MGST1: variants seen among roughly 807,000 people sequenced by gnomAD.
MGST1 encodes the protein microsomal glutathione S-transferase 1.
A neutral mutation model predicts 8.9 loss-of-function variants in MGST1; 5 were observed. The observed-to-expected ratio is 0.56, with a 90% confidence interval of 0.29 to 1.19. The LOEUF (loss-of-function observed/expected upper bound fraction) is 1.19, where lower values mean the gene tolerates loss of function less well. MGST1 is among the 50% of genes most tolerant of loss of function. The pLI, the probability that MGST1 is intolerant of heterozygous loss-of-function variation, is 0.08. For synonymous variants in MGST1, 54 were observed against 67.8 expected, an observed-to-expected ratio of 0.80 and a Z score of 1.00; for missense variants, 182 against 187.4, an observed-to-expected ratio of 0.97 and a Z score of 0.17.
chr12:16,575,127 G>A (rs999181903), intron 4 of MGST1, among the ~76,000 whole-genome samples: 1 of 152,150 alleles, frequency 6.6e-6, no homozygotes, highest in Non-Finnish European at 1.5e-5. Flanking sequence ...TGACTTCCAA[G>A]TTATAATCTA....
At chr12:16,498,115 G>A (rs1941481676) in intron 4 of MGST1, among the ~76,000 whole-genome samples, 2 of 152,098 alleles carry the variant, frequency 1.3e-5, no homozygotes, top group South Asian at 4.1e-4. Flanking sequence ...GGATTCCAAT[G>A]TACTTTCAAA....
chr12:16,433,386 T>C (rs566268031), intron 1 of MGST1, among the ~76,000 whole-genome samples: 1 of 152,160 alleles, frequency 6.6e-6, no homozygotes, highest in Non-Finnish European at 1.5e-5. Flanking sequence ...TCCAATCAAG[T>C]TGACACTCAA....
At chr12:16,561,419 A>G (rs531922629) in intron 4 of MGST1, among the ~76,000 whole-genome samples, 1 of 152,282 alleles carries the variant, frequency 6.6e-6, no homozygotes, top group South Asian at 2.1e-4. Context: ...AGCAAACTAG[A>G]TGAAAAACAC....
intron 4 of MGST1, among the ~76,000 whole-genome samples, chr12:16,521,082 A>G (rs892281781): frequency 6.6e-6 from 1 of 152,112 alleles, no homozygotes; most frequent in African/African-American, 2.4e-5. Context: ...ACAGCACGCA[A>G]TTGATTACCG....
rs555098082 is a variant in MGST1, at chr12:16,518,357, A to C, written n.483-71171A>C. Among the ~76,000 whole-genome samples the C allele has an allele frequency of 3.3e-5, 5 of 152,306 alleles. No individual in the cohort carries two copies. In the East Asian group the frequency reaches 9.6e-4, roughly 29 times the overall value. ...TATTCCTGTTCAGCATTCAGGCCTT[A>C]ATTAAAAATAATGACAGAAGGCTTC... is the stretch of plus-strand genomic sequence containing the variant. On this transcript the variant is annotated intron_variant and non_coding_transcript_variant, in intron 4 of 4. Coordinates refer to the MGST1 transcript ENST00000538857.
chr12:16,419,326 T>G (rs1591722370), intron 1 of MGST1, among the ~76,000 whole-genome samples: 2 of 152,284 alleles, frequency 1.3e-5, no homozygotes, highest in African/African-American at 4.8e-5. Context: ...GTCTGGCATA[T>G]TCTCTTGTCT....
At chr12:16,456,925 A>T (rs1482678087) in intron 4 of MGST1, among the ~76,000 whole-genome samples, 1 of 151,888 alleles carries the variant, frequency 6.6e-6, no homozygotes, top group Non-Finnish European at 1.5e-5. Flanking sequence ...ACCTGGACTA[A>T]TGCAGAGTCA....
intron 4 of MGST1, among the ~76,000 whole-genome samples, chr12:16,538,023 A>G (rs1941765760): frequency 6.6e-6 from 1 of 152,140 alleles, no homozygotes; most frequent in South Asian, 2.1e-4. Flanking sequence ...CTGGCTGCAA[A>G]TTTTCCAAAC....
At chr12:16,554,786 A>G (rs564641155) in intron 4 of MGST1, among the ~76,000 whole-genome samples, 1 of 152,284 alleles carries the variant, frequency 6.6e-6, no homozygotes, top group South Asian at 2.1e-4. Context: ...CCTCCCCAGT[A>G]GCTCTGACTA....
chr12:16,550,155 A>G (rs1941933875), intron 4 of MGST1: 1 of 152,092 alleles, frequency 6.6e-6, no homozygotes, highest in African/African-American at 2.4e-5. Flanking sequence ...AAATACCATC[A>G]TAGCTTCAAT....
At chr12:16,446,557 G>T (rs191559034) in intron 4 of MGST1, among the ~76,000 whole-genome samples, 1 of 151,988 alleles carries the variant, frequency 6.6e-6, no homozygotes, top group East Asian at 1.9e-4. Context: ...ACAACTCCCA[G>T]AAAGTTATGC....
chr12:16,385,154 G>T (rs1385828992), intron 1 of MGST1, among the ~76,000 whole-genome samples: 1 of 152,190 alleles, frequency 6.6e-6, no homozygotes, highest in Non-Finnish European at 1.5e-5. Context: ...AGCCAGGGAA[G>T]AAATATAATT....
rs181624789 is a variant in MGST1, at chr12:16,473,158, T to C, written n.482+89554T>C. On this transcript the variant is annotated intron_variant and non_coding_transcript_variant, in intron 4 of 4. Transcript: ENST00000538857. Reference sequence around the variant, plus strand: ...AGGTTAAGATATCCCTCTATCTCCATAGTTCTCAATGGAAGCAATTTTTGG... The same window carrying C: ...AGGTTAAGATATCCCTCTATCTCCACAGTTCTCAATGGAAGCAATTTTTGG... Among the ~76,000 whole-genome samples the C allele has an allele frequency of 2.1e-3, 318 of 152,312 alleles. 1 individual carries two copies. Among genetic ancestry groups the C allele is most frequent in the African/African-American group, 7.4e-3 (309 of 41,566 alleles).
intron 1 of MGST1, among the ~76,000 whole-genome samples, chr12:16,424,526 C>T (rs758889903): frequency 5.8e-4 from 88 of 152,264 alleles, no homozygotes; most frequent in Non-Finnish European, 9.9e-4. Flanking sequence ...ATTATTTCTT[C>T]TTGTAAGGCC....
At chr12:16,419,626 C>G (rs1940817344) in intron 1 of MGST1, among the ~76,000 whole-genome samples, 1 of 152,118 alleles carries the variant, frequency 6.6e-6, no homozygotes. Context: ...GAGACCAAGT[C>G]AAGGCAAAAC....
chr12:16,384,666 C>T lies in MGST1; in HGVS notation n.778+1062C>T, dbSNP rs1172023905. Among the ~76,000 whole-genome samples, 3 of 152,324 alleles carry T rather than the reference C, an allele frequency of 2.0e-5. No homozygotes were observed. In the East Asian group the frequency reaches 5.8e-4, roughly 29 times the overall value. ...TTTGGTATGAATTGCTCTAGAAAAC[C>T]AATATATCTCACTTATTATACCAAA... On this transcript the variant is annotated intron_variant and non_coding_transcript_variant, in intron 1 of 1. Coordinates refer to the MGST1 transcript ENST00000359720.
rs560128243 is a variant in MGST1 at position 16,514,937 on chromosome 12, T to C, written n.483-74591T>C. The stretch of plus-strand genomic sequence containing the variant: ...TCCAACTTTTCTCAAAGAGTTTACA[T>C]GTGCAAGAAAGTCATCACACAAGGA... On this transcript the variant is annotated intron_variant and non_coding_transcript_variant, in intron 4 of 4. Transcript: ENST00000538857. Among the ~76,000 whole-genome samples, 30 of 152,234 alleles carry C rather than the reference T, an allele frequency of 2.0e-4. 1 individual carries two copies. Among genetic ancestry groups the C allele is most frequent in the Non-Finnish European group, 3.8e-4 (26 of 68,030 alleles).
Position 16,410,507 on chromosome 12 carries a change from G to T in MGST1, n.779-26881G>T, listed in dbSNP as rs916330636. 1.3e-5 allele frequency among the ~76,000 whole-genome samples: 2 copies of T among 150,716 alleles called. No homozygotes were observed. The highest frequency in any genetic ancestry group is 4.9e-5 in the African/African-American group (2 of 41,090). On this transcript the variant is annotated intron_variant and non_coding_transcript_variant, in intron 1 of 1. Transcript: ENST00000359720. This position sits in a 1 kb window ranked among gnomAD's most constrained non-coding sequence, Gnocchi z 4.4. ...CAGATTTGTAAAAGCATATATGTTG[G>T]TATATATTGCATATATGTGTATATA...
downstream of MGST1, among the ~76,000 whole-genome samples, chr12:16,589,822 G>T (rs761563699): frequency 1.3e-4 from 20 of 152,052 alleles, no homozygotes; most frequent in Non-Finnish European, 2.6e-4. The surrounding 1 kb of genome is among the most constrained non-coding windows in gnomAD (Gnocchi z 4.2). Flanking sequence ...AACAGAGGGG[G>T]ACTGTTAGAA....
Sources: allele counts gnomAD v4.1 joint callset (sites outside exome capture counted in the v4.1 genomes callset), GRCh38; gene constraint gnomAD v4.1.1; non-coding constraint Gnocchi (gnomAD v3.1); transcripts MANE v1.5; gene names NCBI Gene and HGNC (gene_info 2026-07-23, HGNC 2026-07-21).